Variants in MEMO1 observed in about 807,000 individuals in gnomAD.
MEMO1 encodes the protein mediator of cell motility 1, also known as protein MEMO1.
MEMO1 carries 6 observed loss-of-function variants against 45.2 expected under a neutral mutation model. The ratio of observed to expected loss-of-function variants is 0.13; its 90% CI spans 0.07 to 0.26. MEMO1 has a LOEUF of 0.26. Ranked by LOEUF, MEMO1 falls within the 10% of genes least tolerant of loss-of-function variation. The pLI is 1.00. For synonymous variants in MEMO1, 78 were observed against 124.3 expected (o/e 0.63, Z 2.48); for missense variants, 184 against 370.5 (o/e 0.50, Z 4.13).
At chr2:31,895,725 T>A (rs1323695171) in intron 6 of MEMO1, among the ~76,000 whole-genome samples, 1 of 151,686 alleles carries the variant, frequency 6.6e-6, no homozygotes, top group Non-Finnish European at 1.5e-5. Context: ...TGAAAAAACA[T>A]TAACCTACAG....
chr2:31,968,188 G>T (rs1668859124), intron 2 of MEMO1, among the ~76,000 whole-genome samples: 1 of 152,142 alleles, frequency 6.6e-6, no homozygotes, highest in Non-Finnish European at 1.5e-5. Flanking sequence ...AGAATTTCTG[G>T]GAGCGTTCTC....
At chr2:31,899,001 A>C in intron 6 of MEMO1, among the ~76,000 whole-genome samples, 1 of 152,084 alleles carries the variant, frequency 6.6e-6, no homozygotes, top group Non-Finnish European at 1.5e-5. Flanking sequence ...TTGTTGGTTT[A>C]AAGTCTGTTT....
At chr2:31,974,952 CCT>C in intron 2 of MEMO1, among the ~76,000 whole-genome samples, 1 of 152,062 alleles carries the variant, frequency 6.6e-6, no homozygotes, top group African/African-American at 2.4e-5. Flanking sequence ...AAGTGGATCA[CCT>C]GAGGTCAGGA....
chr2:31,931,975 T>A, intron 4 of MEMO1, 92 bp downstream of exon 4: 1 of 1,065,774 alleles, frequency 9.4e-7, no homozygotes, highest in Non-Finnish European at 1.4e-6. Context: ...ATTGAGTACA[T>A]AATAACAATA....
chr2:31,990,111 T>C (rs1671764461), intron 2 of MEMO1, among the ~76,000 whole-genome samples: 2 of 152,152 alleles, frequency 1.3e-5, no homozygotes, highest in South Asian at 2.1e-4. Context: ...AGCAAGACTT[T>C]GTCTCAAAAA....
At chr2:32,001,627 G>A (rs535410011) in intron 2 of MEMO1, among the ~76,000 whole-genome samples, 8 of 151,952 alleles carry the variant, frequency 5.3e-5, no homozygotes, top group East Asian at 1.9e-4. Flanking sequence ...TACCAGTTAC[G>A]ACTCATACAA....
At chr2:31,934,331 T>A (rs1465054411) in intron 3 of MEMO1, among the ~76,000 whole-genome samples, 1 of 152,088 alleles carries the variant, frequency 6.6e-6, no homozygotes, top group African/African-American at 2.4e-5. Context: ...GTCTTTCTAG[T>A]CTGAGTCTCT....
At chr2:31,972,846 G>A (rs1558544853) in intron 2 of MEMO1, among the ~76,000 whole-genome samples, 1 of 152,094 alleles carries the variant, frequency 6.6e-6, no homozygotes, top group Non-Finnish European at 1.5e-5. Flanking sequence ...ATGGGCATAG[G>A]ACTTAAATAG....
intron 4 of MEMO1, among the ~76,000 whole-genome samples, chr2:31,928,763 A>G (rs1263314984): frequency 1.3e-5 from 2 of 152,144 alleles, no homozygotes; most frequent in Non-Finnish European, 2.9e-5. Flanking sequence ...AGCATTCGTT[A>G]TAATAATTTA....
chr2:31,943,207 G>C, intron 3 of MEMO1, 95 bp downstream of exon 3: 1 of 915,184 alleles, frequency 1.1e-6, no homozygotes, highest in South Asian at 1.3e-5. Flanking sequence ...GGAGGTTGCA[G>C]TGAGCCGAGA....
chr2:31,920,292 T>C (rs1481547507), intron 5 of MEMO1, among the ~76,000 whole-genome samples: 1 of 152,006 alleles, frequency 6.6e-6, no homozygotes, highest in Non-Finnish European at 1.5e-5. Flanking sequence ...CAACCAAAAT[T>C]GTAGGCATGT....
At chr2:31,972,258 C>T (rs1669500338) in intron 2 of MEMO1, among the ~76,000 whole-genome samples, 2 of 152,088 alleles carry the variant, frequency 1.3e-5, no homozygotes, top group Non-Finnish European at 2.9e-5. Context: ...ATTACTCATT[C>T]GTTTTCAATT....
At chr2:31,890,324 T>A (rs895262712) in intron 7 of MEMO1, among the ~76,000 whole-genome samples, 4 of 152,240 alleles carry the variant, frequency 2.6e-5, no homozygotes, top group African/African-American at 9.6e-5. Context: ...GTGGGACACT[T>A]GCTTCAAGAA....
intron 3 of MEMO1, among the ~76,000 whole-genome samples, chr2:31,938,047 G>T (rs1247756927): frequency 1.3e-5 from 2 of 152,080 alleles, no homozygotes; most frequent in African/African-American, 4.8e-5. Flanking sequence ...ATCAAGGTAA[G>T]GTAGTTCTGA....
intron 3 of MEMO1, among the ~76,000 whole-genome samples, chr2:31,938,772 T>C (rs1017519785): frequency 6.6e-6 from 1 of 150,722 alleles, no homozygotes; most frequent in Non-Finnish European, 1.5e-5. Context: ...AACCCTTTCA[T>C]GCCATAGAAC....
intron 6 of MEMO1, 137 bp from the exon 7 acceptor site, chr2:31,892,271 T>G: frequency 1.4e-6 from 1 of 729,764 alleles, no homozygotes; most frequent in Non-Finnish European, 2.2e-6. Flanking sequence ...GATGAATTCT[T>G]AAAATCCATA....
Position 31,962,860 on chromosome 2 carries a change from G to T in MEMO1, c.62-19477C>A, listed in dbSNP as rs143670800. On this transcript the variant is annotated intron_variant, in intron 2 of 9. Transcript: ENST00000404530. Reference sequence around the variant, plus strand: ...CATTTTTCTGGATGTATCTGTGAGAGTATTTCTAGATAAGATTAACATTTC... The same window carrying T: ...CATTTTTCTGGATGTATCTGTGAGATTATTTCTAGATAAGATTAACATTTC... Among the ~76,000 whole-genome samples, 46 of 152,298 alleles carry T rather than the reference G, an allele frequency of 3.0e-4. 1 individual carries two copies. In the South Asian group the frequency reaches 8.7e-3, roughly 29 times the overall value.
At chr2:31,906,849 G>A (rs540338457) in intron 6 of MEMO1, among the ~76,000 whole-genome samples, 2 of 152,078 alleles carry the variant, frequency 1.3e-5, no homozygotes, top group East Asian at 1.9e-4. Flanking sequence ...GTGGTGTTAC[G>A]TATGTGTGAA....
chr2:31,872,837 C>G (rs1377078690), intron 8 of MEMO1, among the ~76,000 whole-genome samples: 1 of 152,078 alleles, frequency 6.6e-6, no homozygotes. Flanking sequence ...GATGGGAAAA[C>G]TAAGGCTTTT....
Sources: gnomAD v4.1 joint callset for allele counts (sites outside exome capture counted in the v4.1 genomes callset) on GRCh38, gnomAD v4.1.1 for gene constraint, MANE v1.5 for transcripts, NCBI Gene and HGNC (gene_info 2026-07-23, HGNC 2026-07-21) for gene names.